RORA: variants seen among roughly 807,000 people sequenced by gnomAD.
RORA encodes nuclear receptor ROR-alpha.
Under a neutral mutation model 69.5 loss-of-function variants are expected in RORA, and 7 were observed. That is an observed-to-expected ratio of 0.10 (90% CI 0.06 to 0.19). RORA has a LOEUF of 0.19. RORA is among the 10% of genes least tolerant of loss of function. The pLI is 1.00. For missense variants in RORA, 457 were observed against 663.0 expected, an observed-to-expected ratio of 0.69 and a Z score of 3.41; for synonymous variants, 261 against 240.8, an observed-to-expected ratio of 1.08 and a Z score of -0.78.
intron 1 of RORA, among the ~76,000 whole-genome samples, chr15:61,135,143 TACTA>T (rs1280751660): frequency 1.2e-4 from 15 of 121,612 alleles, no homozygotes; most frequent in African/African-American, 5.1e-4. Flanking sequence ...CCCCATCTCT[TACTA>T]AAAAAAAAAA....
At chr15:60,641,877 A>T (rs2069950759) in intron 2 of RORA, among the ~76,000 whole-genome samples, 1 of 152,220 alleles carries the variant, frequency 6.6e-6, no homozygotes, top group African/African-American at 2.4e-5. Flanking sequence ...TAAAAAAAAA[A>T]TAAGGACTTA....
chr15:60,614,607 G>A (rs765326658), intron 2 of RORA, among the ~76,000 whole-genome samples: 14 of 152,066 alleles, frequency 9.2e-5, no homozygotes, highest in Admixed American at 5.2e-4. Flanking sequence ...CTTCTGTGTC[G>A]GTTCTATGAC....
intron 1 of RORA, among the ~76,000 whole-genome samples, chr15:60,780,910 C>T (rs900610187): frequency 2.6e-5 from 4 of 152,148 alleles, no homozygotes; most frequent in African/African-American, 9.7e-5. Context: ...TGCCTCTTAC[C>T]AGGGGTCATG....
At chr15:60,540,153 G>C (rs1337490842) in intron 2 of RORA, among the ~76,000 whole-genome samples, 1 of 152,092 alleles carries the variant, frequency 6.6e-6, no homozygotes, top group Non-Finnish European at 1.5e-5. Flanking sequence ...TCACAGAACT[G>C]CATACGTATT....
At chr15:60,785,023 A>T (rs2072316308) in intron 1 of RORA, among the ~76,000 whole-genome samples, 1 of 152,228 alleles carries the variant, frequency 6.6e-6, no homozygotes, top group South Asian at 2.1e-4. Flanking sequence ...GGAAGTCCAG[A>T]GGCAGCTGTC....
At chr15:60,638,754 G>A (rs963614708) in intron 2 of RORA, among the ~76,000 whole-genome samples, 9 of 152,068 alleles carry the variant, frequency 5.9e-5, no homozygotes, top group Non-Finnish European at 1.0e-4. Context: ...GACAACCAAC[G>A]ACTGATACAT....
At chr15:61,199,551 C>T (rs546952720) in intron 1 of RORA, among the ~76,000 whole-genome samples, 1 of 152,318 alleles carries the variant, frequency 6.6e-6, no homozygotes, top group African/African-American at 2.4e-5. Flanking sequence ...CCTGTGCTGC[C>T]TGCCCTGGGT....
At chr15:61,055,702 C>T (rs1057309165) in intron 1 of RORA, among the ~76,000 whole-genome samples, 2 of 152,200 alleles carry the variant, frequency 1.3e-5, no homozygotes, top group African/African-American at 4.8e-5. Context: ...TTTTATCACA[C>T]ATCAAAATTT....
intron 2 of RORA, among the ~76,000 whole-genome samples, chr15:60,545,464 A>G (rs1567076117): frequency 1.3e-5 from 2 of 152,320 alleles, no homozygotes; most frequent in South Asian, 4.1e-4. Context: ...TGTTCTTGGA[A>G]TCAGCTTTTT....
At chr15:60,592,834 C>T (rs1195276839) in intron 2 of RORA, 1 of 506,556 alleles carries the variant, frequency 2.0e-6, no homozygotes, top group East Asian at 7.0e-5. Context: ...CTTTTCTGCA[C>T]GCAGCGCCCC....
At chr15:60,798,370 A>G (rs1264668095) in intron 1 of RORA, among the ~76,000 whole-genome samples, 2 of 152,136 alleles carry the variant, frequency 1.3e-5, no homozygotes, top group Admixed American at 1.3e-4. Context: ...AATGAGTTTA[A>G]AAAGCTTGTT....
chr15:61,029,036 T>C (rs564296294), intron 1 of RORA, among the ~76,000 whole-genome samples: 1 of 151,990 alleles, frequency 6.6e-6, no homozygotes, highest in Non-Finnish European at 1.5e-5. Context: ...TGAAATAAGA[T>C]AGTACTGATG....
intron 1 of RORA, among the ~76,000 whole-genome samples, chr15:61,012,291 C>T (rs1895110616): frequency 6.6e-6 from 1 of 152,198 alleles, no homozygotes; most frequent in Non-Finnish European, 1.5e-5. Flanking sequence ...ACTATCAACG[C>T]TTTCCCAATT....
chr15:60,658,764 G>A (rs563327371), intron 2 of RORA, among the ~76,000 whole-genome samples: 1 of 152,278 alleles, frequency 6.6e-6, no homozygotes, highest in Admixed American at 6.5e-5. Context: ...AAGAGCTTTG[G>A]CCACAAAGAC....
At chr15:60,901,026 G>A (rs373650356) in intron 1 of RORA, among the ~76,000 whole-genome samples, 64 of 152,300 alleles carry the variant, frequency 4.2e-4, no homozygotes, top group African/African-American at 1.5e-3. Context: ...GTGTGTGCAT[G>A]TGTGTGCATA....
chr15:61,225,194 C>T (rs979641488), intron 1 of RORA, among the ~76,000 whole-genome samples: 11 of 151,860 alleles, frequency 7.2e-5, no homozygotes, highest in Non-Finnish European at 1.0e-4. Flanking sequence ...AGCAATTTAC[C>T]GGAAAATTAA....
At chr15:60,846,327 T>C (rs778542246) in intron 1 of RORA, among the ~76,000 whole-genome samples, 52 of 152,228 alleles carry the variant, frequency 3.4e-4, no homozygotes, top group Non-Finnish European at 5.6e-4. Flanking sequence ...AGGTACTGTA[T>C]AAATATTTAT....
At chr15:60,561,060 T>G (rs2067527650) in intron 2 of RORA, among the ~76,000 whole-genome samples, 1 of 140,560 alleles carries the variant, frequency 7.1e-6, no homozygotes, top group Non-Finnish European at 1.5e-5. Flanking sequence ...ACTTGTGTTT[T>G]TTTTTTTTTT....
chr15:61,005,286 C>T (rs1464571581), intron 1 of RORA, among the ~76,000 whole-genome samples: 1 of 152,098 alleles, frequency 6.6e-6, no homozygotes, highest in East Asian at 1.9e-4. Flanking sequence ...TCGAGATCAG[C>T]CTGGCCAACA....
Sources: allele counts gnomAD v4.1 joint callset (sites outside exome capture counted in the v4.1 genomes callset), GRCh38; gene constraint gnomAD v4.1.1; transcripts MANE v1.5; gene names NCBI Gene and HGNC (gene_info 2026-07-23, HGNC 2026-07-21).